The following TRPM3 variants were observed in gnomAD, a reference collection of about 807,000 sequenced individuals.
The protein encoded by TRPM3 is transient receptor potential cation channel subfamily M member 3.
TRPM3 carries 77 observed loss-of-function variants against 181.2 expected under a neutral mutation model. The observed-to-expected ratio is 0.42, with a 90% confidence interval of 0.35 to 0.51. The LOEUF is 0.51. Ranked by LOEUF, TRPM3 falls within the 20% of genes least tolerant of loss-of-function variation. The pLI is 0.01. For missense variants in TRPM3, 1,759 were observed against 2,196.7 expected (o/e 0.80, Z 3.98); for synonymous variants, 745 against 796.4 (o/e 0.94, Z 1.09).
At chr9:71,195,778 T>A (rs1055894984) in intron 1 of TRPM3, among the ~76,000 whole-genome samples, 1 of 152,020 alleles carries the variant, frequency 6.6e-6, no homozygotes, top group Non-Finnish European at 1.5e-5. Flanking sequence ...TATGCAGTCA[T>A]AAAAAAGAAT....
rs1043772600 is a variant in TRPM3, at chr9:71,121,188, C to T, written c.167G>A (p.Arg56Lys). ...TGCAAGTTACAGTACCTTCAGAAGT[C>T]TGACAGATGGAAGAAAGGCTGCGTG... Reference protein sequence around the residue: ...LCHAAFLPSVRLLKAQKSWIE... With the variant: ...LCHAAFLPSVKLLKAQKSWIE... The change falls in exon 1 of 26, where the codon AGA becomes AAA. Residue 56 changes from arginine (R) to lysine (K), a missense_variant. By Grantham distance (26) the Arg-to-Lys change is conservative (BLOSUM62 2). This residue lies in a region of TRPM3 where 737 missense variants were observed against 957.4 expected (regional missense o/e 0.77). Coordinates refer to ENST00000677713, the MANE Select transcript of TRPM3 (RefSeq NM_001366145.2). 8 of 1,613,648 alleles carry T rather than the reference C, an allele frequency of 5.0e-6. No individual in the cohort carries two copies. The highest frequency in any genetic ancestry group is 6.8e-6 in the Non-Finnish European group (8 of 1,179,802).
chr9:71,032,090 A>G (rs2057537015), intron 1 of TRPM3, among the ~76,000 whole-genome samples: 2 of 1,062 alleles, frequency 1.9e-3, no homozygotes, highest in East Asian at 0.25. Flanking sequence ...TATATATATA[A>G]TTATATAATA....
intron 1 of TRPM3, among the ~76,000 whole-genome samples, chr9:71,016,582 T>C (rs1003252835): frequency 3.9e-5 from 6 of 152,318 alleles, no homozygotes; most frequent in Non-Finnish European, 7.4e-5. Flanking sequence ...TTATAACATA[T>C]GTCAGAATTT....
At chr9:71,269,473 A>G (rs1248798674) in intron 1 of TRPM3, among the ~76,000 whole-genome samples, 1 of 152,240 alleles carries the variant, frequency 6.6e-6, no homozygotes, top group African/African-American at 2.4e-5. Context: ...AACAGAGCAG[A>G]ATAATCTCAT....
At chr9:71,019,063 T>C (rs1239655681) in intron 1 of TRPM3, among the ~76,000 whole-genome samples, 2 of 151,964 alleles carry the variant, frequency 1.3e-5, no homozygotes, top group Non-Finnish European at 2.9e-5. Flanking sequence ...ATGTCAAAAA[T>C]GCATATAAAC....
At chr9:71,192,213 G>A (rs2078073196) in intron 1 of TRPM3, among the ~76,000 whole-genome samples, 1 of 151,682 alleles carries the variant, frequency 6.6e-6, no homozygotes, top group African/African-American at 2.4e-5. Context: ...GGCTTTTGAA[G>A]AGGGGAGATT....
intron 1 of TRPM3, among the ~76,000 whole-genome samples, chr9:70,954,532 G>C (rs1251419791): frequency 6.6e-6 from 1 of 152,098 alleles, no homozygotes; most frequent in Middle Eastern, 3.2e-3. Flanking sequence ...TTGATGTGTA[G>C]ATTTTACGTT....
At position 70,625,473 on chromosome 9, in the gene TRPM3, T is replaced by C; in HGVS notation, c.1668+9A>G. ...ATGAATGTATTATTATGCTGGTTAATTAATTCACCTTAAAATAGATCCAAC... is the reference window on the plus strand; with the variant it reads ...ATGAATGTATTATTATGCTGGTTAACTAATTCACCTTAAAATAGATCCAAC... On this transcript the variant is annotated intron_variant, in intron 13 of 25. Coordinates refer to ENST00000677713, the MANE Select transcript of TRPM3 (RefSeq NM_001366145.2). The surrounding 1 kb of genome is among the most constrained non-coding windows in gnomAD (Gnocchi z 4.8). The C allele has an allele frequency of 1.2e-6, 2 of 1,609,376 alleles. No individual in the cohort carries two copies. The highest frequency in any genetic ancestry group is 8.5e-7 in the Non-Finnish European group (1 of 1,178,494).
chr9:71,209,128 C>T (rs1474259341), intron 1 of TRPM3, among the ~76,000 whole-genome samples: 2 of 151,896 alleles, frequency 1.3e-5, no homozygotes, highest in South Asian at 2.1e-4. Context: ...ATAGATGCCT[C>T]GTTTATATTA....
At chr9:70,861,866 AT>A (rs1463835609) in intron 3 of TRPM3, among the ~76,000 whole-genome samples, 1 of 140,520 alleles carries the variant, frequency 7.1e-6, no homozygotes, top group Non-Finnish European at 1.5e-5. Flanking sequence ...TCAGAATTAT[AT>A]TTCATAGAAA....
chr9:71,130,715 G>A (rs189970688), intron 1 of TRPM3, among the ~76,000 whole-genome samples: 7 of 152,198 alleles, frequency 4.6e-5, no homozygotes, highest in East Asian at 1.9e-4. Context: ...TGGTACATGC[G>A]TTGGCACAGG....
intron 8 of TRPM3, among the ~76,000 whole-genome samples, chr9:70,686,800 T>C (rs2067038316): frequency 7.1e-6 from 1 of 139,884 alleles, no homozygotes; most frequent in Non-Finnish European, 1.5e-5. Flanking sequence ...TCTCCCTCCC[T>C]CCCTCTTTCT....
chr9:71,413,808 G>A (rs185631705), intron 1 of TRPM3, among the ~76,000 whole-genome samples: 1 of 151,624 alleles, frequency 6.6e-6, no homozygotes, highest in African/African-American at 2.4e-5. Flanking sequence ...CCTGCCAGAT[G>A]CTTTAATATT....
chr9:71,264,205 A>G (rs1223231783), intron 1 of TRPM3, among the ~76,000 whole-genome samples: 1 of 152,176 alleles, frequency 6.6e-6, no homozygotes, highest in Non-Finnish European at 1.5e-5. Context: ...GAAAAGGACA[A>G]GTAACACACA....
intron 1 of TRPM3, among the ~76,000 whole-genome samples, chr9:71,414,312 C>A (rs921568536): frequency 2.7e-4 from 31 of 116,546 alleles, no homozygotes; most frequent in African/African-American, 7.9e-4. Flanking sequence ...TTACAAGAAT[C>A]AGTTCATCAT....
chr9:71,264,993 A>G (rs560407391), intron 1 of TRPM3, among the ~76,000 whole-genome samples: 23 of 152,330 alleles, frequency 1.5e-4, no homozygotes, highest in African/African-American at 5.3e-4. Context: ...AGAATGTTTT[A>G]ACAAAGAAAT....
chr9:71,045,343 A>C (rs1240971059), intron 1 of TRPM3, among the ~76,000 whole-genome samples: 2 of 151,576 alleles, frequency 1.3e-5, no homozygotes, highest in African/African-American at 4.9e-5. Flanking sequence ...TCTTTCCCTT[A>C]TTTTCACCTC....
In TRPM3 at chr9:70,863,030, G is replaced by T; in HGVS notation, c.340C>A (p.Arg114Ser). 1.2e-6 allele frequency: 2 copies of T among 1,613,626 alleles called. No individual in the cohort carries two copies. Among genetic ancestry groups the T allele is most frequent in the Non-Finnish European group, 1.7e-6 (2 of 1,179,718 alleles). ...SVLQNEKNESRLSRNDIQSEK... is the reference protein window; with the variant it reads ...SVLQNEKNESSLSRNDIQSEK... ...GACTGGATGTCATTTCGGGAGAGGC[G>T]ACTTTCATTTTTCTCATTCTGAAGC... Residue 114 changes from arginine to serine, a missense_variant, in exon 3 of 26, where the codon CGC becomes AGC. By Grantham distance (110) the Arg-to-Ser change is moderately radical. Coordinates refer to ENST00000677713, the MANE Select transcript of TRPM3 (RefSeq NM_001366145.2).
At chr9:70,989,572 G>A (rs979098893) in intron 1 of TRPM3, among the ~76,000 whole-genome samples, 1 of 152,130 alleles carries the variant, frequency 6.6e-6, no homozygotes, top group Non-Finnish European at 1.5e-5. Flanking sequence ...TGTAGGGTTT[G>A]GGGTGGGGGT....
Sources: gnomAD v4.1 joint callset for allele counts (sites outside exome capture counted in the v4.1 genomes callset) on GRCh38, gnomAD v4.1.1 for gene constraint, gnomAD v4.1.1 regional missense constraint, Gnocchi (gnomAD v3.1) non-coding constraint, MANE v1.5 for transcripts, NCBI Gene and HGNC (gene_info 2026-07-23, HGNC 2026-07-21) for gene names.